Variants in ZFYVE26 observed in about 807,000 individuals in gnomAD.
ZFYVE26 encodes the protein zinc finger FYVE domain-containing protein 26.
A neutral mutation model predicts 276.5 loss-of-function variants in ZFYVE26; 181 were observed. The ratio of observed to expected loss-of-function variants is 0.65; its 90% CI spans 0.58 to 0.74. The LOEUF (loss-of-function observed/expected upper bound fraction) is 0.74. Ranked by LOEUF, ZFYVE26 falls within the 30% of genes least tolerant of loss-of-function variation. The pLI, the probability that ZFYVE26 is intolerant of heterozygous loss-of-function variation, is 0.00. For missense variants in ZFYVE26, 2,821 were observed against 3,097.9 expected, an observed-to-expected ratio of 0.91 and a Z score of 2.12; for synonymous variants, 1,129 against 1,203.1, an observed-to-expected ratio of 0.94 and a Z score of 1.27.
At chr14:67,769,262 G>A (rs2039140161) in intron 29 of ZFYVE26, among the ~76,000 whole-genome samples, 1 of 152,200 alleles carries the variant, frequency 6.6e-6, no homozygotes, top group Non-Finnish European at 1.5e-5. Context: ...GCTGAGACCA[G>A]TTGAAGCAAG....
chr14:67,798,884 G>T, intron 10 of ZFYVE26: 2 of 884,752 alleles, frequency 2.3e-6, no homozygotes, highest in Non-Finnish European at 3.4e-6. Flanking sequence ...CCAGCCTTTT[G>T]GCCACCAGGC....
chr14:67,795,529 G>T (rs1216007284), intron 12 of ZFYVE26, among the ~76,000 whole-genome samples: 1 of 152,074 alleles, frequency 6.6e-6, no homozygotes, highest in African/African-American at 2.4e-5. Flanking sequence ...ATCTAAGCAG[G>T]TACATTACAA....
chr14:67,733,894 T>C (rs755094887), intron 13 of ZFYVE26: 80 of 1,431,544 alleles, frequency 5.6e-5, no homozygotes, highest in Non-Finnish European at 7.9e-6. Flanking sequence ...CATGCCATAA[T>C]GAACAGGGAC....
chr14:67,796,312 G>A (rs1015322654), intron 12 of ZFYVE26: 6 of 151,686 alleles, frequency 4.0e-5, no homozygotes, highest in African/African-American at 1.5e-4. Context: ...TGCCTCCCAG[G>A]TTCAAGTGAT....
chr14:67,809,782 C>CTTT (rs58842467), intron 3 of ZFYVE26, among the ~76,000 whole-genome samples: 68 of 120,116 alleles, frequency 5.7e-4, no homozygotes, highest in Non-Finnish European at 9.1e-4. Context: ...ATTCTTTTCT[C>CTTT]TTTTTTTTTT....
chr14:67,766,268 G>A lies in ZFYVE26; in HGVS notation c.5970C>T (p.Phe1990=), dbSNP rs779643421. Reference sequence around the variant, plus strand: ...AGTCTTGGCTCTGGCCGGCTTTGACGAACATCATCTTGGCGCTGAACAGCA... The same window carrying A: ...AGTCTTGGCTCTGGCCGGCTTTGACAAACATCATCTTGGCGCTGAACAGCA... ...KQLLFSAKMM[F]VKAGQSQDLA... is the part of the protein sequence containing the mutation. The change falls in exon 32 of 42, where the codon TTC becomes TTT. Residue 1990 remains phenylalanine (F), a synonymous_variant. Transcript: ENST00000347230. 2.7e-5 allele frequency: 44 copies of A among 1,613,880 alleles called. 1 individual carries two copies. The South Asian group carries it at 4.1e-4, about 15-fold the overall frequency.
intron 18 of ZFYVE26, 94 bp from the exon 19 acceptor site, chr14:67,785,371 T>A (rs2039622120): frequency 8.8e-7 from 1 of 1,136,014 alleles, no homozygotes; most frequent in Non-Finnish European, 1.3e-6. Flanking sequence ...CTGTGCCCCC[T>A]ATACACTGCC....
intron 3 of ZFYVE26, among the ~76,000 whole-genome samples, chr14:67,811,134 T>C (rs2040292566): frequency 6.6e-6 from 1 of 152,202 alleles, no homozygotes; most frequent in South Asian, 2.1e-4. Flanking sequence ...TGAGGATTAG[T>C]GCTTCTATTG....
intron 11 of ZFYVE26, 21 bp from the exon 12 acceptor site, chr14:67,797,776 G>C (rs2039987092): frequency 6.2e-7 from 1 of 1,613,204 alleles, no homozygotes; most frequent in African/African-American, 1.3e-5. Context: ...AAACCCAATG[G>C]GACAGAAAGG....
intron 6 of ZFYVE26, among the ~76,000 whole-genome samples, chr14:67,806,016 A>G (rs2040173887): frequency 6.6e-6 from 1 of 152,200 alleles, no homozygotes. Context: ...GACGAGGGAA[A>G]CTCTGTCTCA....
In ZFYVE26 at chr14:67,786,035, A is replaced by T; in HGVS notation, c.3140-13T>A. ...TCTTCCACACTCTCTATGGAAAGCA[A>T]ATGAGAAAGAAAAAGTAAAGTCTGT... On this transcript the variant is annotated splice_polypyrimidine_tract_variant and intron_variant, in intron 17 of 41. Coordinates refer to ENST00000347230, the MANE Select transcript of ZFYVE26 (RefSeq NM_015346.4). 13 of 1,614,184 alleles carry T rather than the reference A, an allele frequency of 8.1e-6. No individual in the cohort carries two copies. The highest frequency in any genetic ancestry group is 2.2e-5 in the East Asian group (1 of 44,878).
At chr14:67,776,535 T>TG (rs2039349319) in intron 25 of ZFYVE26, among the ~76,000 whole-genome samples, 1 of 152,222 alleles carries the variant, frequency 6.6e-6, no homozygotes, top group South Asian at 2.1e-4. Context: ...ACGCCTGGCC[T>TG]GGACCCTCCA....
Position 67,782,770 on chromosome 14 carries a change from T to C in ZFYVE26, c.4372+10A>G. 1 of 1,614,116 alleles carries C rather than the reference T, an allele frequency of 6.2e-7. No individual in the cohort carries two copies. The highest frequency in any genetic ancestry group is 8.5e-7 in the Non-Finnish European group (1 of 1,180,040). ...ACTAGTGAAAAAGGGAGGCATAGCATTCTGCTCACCACATGCCACAGCACA... is the reference window on the plus strand; with the variant it reads ...ACTAGTGAAAAAGGGAGGCATAGCACTCTGCTCACCACATGCCACAGCACA... On this transcript the variant is annotated intron_variant, in intron 21 of 41. Coordinates refer to ENST00000347230, the MANE Select transcript of ZFYVE26 (RefSeq NM_015346.4).
At chr14:67,750,350 AGTT>A in intron 41 of ZFYVE26, 1 of 154,468 alleles carries the variant, frequency 6.5e-6, no homozygotes, top group South Asian at 2.0e-4. Context: ...GCCTGACGTC[AGTT>A]TTCATCACAG....
rs376787473 is a variant in ZFYVE26, at chr14:67,729,287, C to A, written n.3212G>T. ...CTCTGCCTGCTCTGGCGGCTCTTCTCCCCCTTTGTCAAGACGGCACGGGAG... is the reference window on the plus strand; with the variant it reads ...CTCTGCCTGCTCTGGCGGCTCTTCTACCCCTTTGTCAAGACGGCACGGGAG... On this transcript the variant is annotated non_coding_transcript_exon_variant, in exon 14 of 15. Transcript: ENST00000394455. 1.7e-5 allele frequency: 27 copies of A among 1,604,592 alleles called. No individual in the cohort carries two copies. Among genetic ancestry groups the A allele is most frequent in the Non-Finnish European group, 2.2e-5 (26 of 1,179,960 alleles).
intron 35 of ZFYVE26, among the ~76,000 whole-genome samples, chr14:67,757,976 G>A (rs1173746106): frequency 1.3e-5 from 2 of 152,050 alleles, no homozygotes; most frequent in East Asian, 3.9e-4. Context: ...CAGCCTCCCA[G>A]AGTGCTGGGA....
At chr14:67,762,479 A>G (rs2140194411) in intron 33 of ZFYVE26, 67 bp from the exon 34 acceptor site, 1 of 1,557,846 alleles carries the variant, frequency 6.4e-7, no homozygotes, top group East Asian at 2.3e-5. Flanking sequence ...CCAAAGACCT[A>G]TTCTATTCCC....
Position 67,790,702 on chromosome 14 carries a change from T to C in ZFYVE26, c.2625A>G (p.Glu875=), listed in dbSNP as rs2140234103. 6.2e-7 allele frequency: 1 copy of C among 1,614,222 alleles called. No homozygotes were observed. The highest frequency in any genetic ancestry group is 2.2e-5 in the East Asian group (1 of 44,884). Residue 875 remains glutamate, a synonymous_variant, in exon 15 of 42, where the codon GAA becomes GAG. Transcript: ENST00000347230. ...CTACTTGGGCCAGTTCTTGGATCAC[T>C]TCCTGGTAGCGCTCCATGAACATCA... ...GELMFMERYQ[E]VIQELAQVEH...
At chr14:67,738,652 G>A (rs1261613926) in intron 13 of ZFYVE26, among the ~76,000 whole-genome samples, 1 of 152,022 alleles carries the variant, frequency 6.6e-6, no homozygotes, top group Admixed American at 6.6e-5. Context: ...CACAGAAAAA[G>A]ATATAAAACA....
Sources: allele counts gnomAD v4.1 joint callset (sites outside exome capture counted in the v4.1 genomes callset), GRCh38; gene constraint gnomAD v4.1.1; transcripts MANE v1.5; gene names NCBI Gene and HGNC (gene_info 2026-07-23, HGNC 2026-07-21).